ACVR1B: variants seen among roughly 807,000 people sequenced by gnomAD.
ACVR1B encodes the protein activin receptor type-1B.
Under a neutral mutation model 55.6 loss-of-function variants are expected in ACVR1B, and 15 were observed. The observed-to-expected ratio is 0.27, with a 90% confidence interval of 0.18 to 0.42. ACVR1B has a LOEUF of 0.42. ACVR1B is among the 10% of genes least tolerant of loss of function. ACVR1B has a pLI of 1.00. For synonymous variants in ACVR1B, 247 were observed against 254.6 expected, an observed-to-expected ratio of 0.97 and a Z score of 0.28; for missense variants, 359 against 670.1, an observed-to-expected ratio of 0.54 and a Z score of 5.13.
chr12:51,991,692 A>G (rs943191051), intron 7 of ACVR1B, among the ~76,000 whole-genome samples, 171 bp from the exon 8 acceptor site: 1 of 152,192 alleles, frequency 6.6e-6, no homozygotes, highest in Non-Finnish European at 1.5e-5. Flanking sequence ...ATGAGCCACC[A>G]TGCCCGGCCC....
At position 51,994,150 on chromosome 12, in the gene ACVR1B, C is replaced by T; in HGVS notation, c.*40C>T. ...CACACGGAGCTCCTGGCAGCGAGAA[C>T]TACGCACAGCTGCCGCGTTGAGCGT... On this transcript the variant is annotated 3_prime_UTR_variant, in exon 9 of 9. Coordinates refer to ENST00000257963, the MANE Select transcript of ACVR1B (RefSeq NM_004302.5). The surrounding 1 kb of genome is among the most constrained non-coding windows in gnomAD (Gnocchi z 4.2). 1 of 1,606,750 alleles carries T rather than the reference C, an allele frequency of 6.2e-7. No individual in the cohort carries two copies. Among genetic ancestry groups the T allele is most frequent in the African/African-American group, 1.3e-5 (1 of 75,014 alleles).
intron 1 of ACVR1B, chr12:51,960,234 A>G (rs779665366): frequency 1.3e-5 from 2 of 152,256 alleles, no homozygotes; most frequent in African/African-American, 2.4e-5. Flanking sequence ...AGCCTGGGCA[A>G]TATAGTGAGA....
At chr12:51,967,286 C>G (rs1034490886) in intron 1 of ACVR1B, among the ~76,000 whole-genome samples, 1 of 151,670 alleles carries the variant, frequency 6.6e-6, no homozygotes, top group Non-Finnish European at 1.5e-5. Flanking sequence ...AAAGGTGGTG[C>G]GGTGGCTCAC....
intron 3 of ACVR1B, among the ~76,000 whole-genome samples, chr12:51,977,867 TAAAAA>T (rs1565617516): frequency 2.0e-5 from 3 of 151,334 alleles, no homozygotes; most frequent in Non-Finnish European, 2.9e-5. Flanking sequence ...AGTCCATTCT[TAAAAA>T]AGAAAAAAAA....
chr12:51,957,855 AG>A (rs1941444044), intron 1 of ACVR1B, among the ~76,000 whole-genome samples: 1 of 152,346 alleles, frequency 6.6e-6, no homozygotes, highest in East Asian at 1.9e-4. Context: ...TCTTGCACTT[AG>A]GAACTCTAGA....
In ACVR1B at chr12:51,976,713, T is replaced by C. The variant is rs767998012; in HGVS notation, c.580+138T>C. ...AGTCATTTGGTTTCCTAGTTCCCCT[T>C]CTTTTGGAGTCTGACGTGTAATAAG... On this transcript the variant is annotated intron_variant, in intron 3 of 8. Coordinates refer to ENST00000257963, the MANE Select transcript of ACVR1B (RefSeq NM_004302.5). The C allele has an allele frequency of 8.9e-5, 96 of 1,074,374 alleles. 1 individual carries two copies. Among genetic ancestry groups the C allele is most frequent in the Non-Finnish European group, 9.0e-5 (67 of 747,608 alleles). The allele number at this position is 1,074,374 out of a possible 1,614,324, so 66.6% of individuals were successfully genotyped here. A position where few individuals can be genotyped will look rare whatever the true frequency, so the allele number is the denominator to read the frequency against.
intron 1 of ACVR1B, chr12:51,953,506 T>G (rs1010037190): frequency 6.6e-5 from 65 of 984,518 alleles, no homozygotes; most frequent in Non-Finnish European, 7.4e-5. Flanking sequence ...TGTGGTGAGA[T>G]AATGATTTGC....
intron 1 of ACVR1B, among the ~76,000 whole-genome samples, chr12:51,962,268 A>G (rs773524472): frequency 2.0e-5 from 3 of 152,248 alleles, no homozygotes; most frequent in South Asian, 4.1e-4. Context: ...TTATTGTTAA[A>G]TCTGTGTTTC....
At position 51,981,062 on chromosome 12, in the gene ACVR1B, G is replaced by A. The variant is rs2120661288; in HGVS notation, c.674G>A (p.Arg225His). The change falls in exon 4 of 9, where the codon CGC becomes CAC. Residue 225 changes from arginine (R) to histidine (H), a missense_variant. Around this residue, in one of 5 missense-constraint regions of ACVR1B, gnomAD observed 119 missense variants for 340.2 expected, o/e 0.35. Coordinates refer to ENST00000257963, the MANE Select transcript of ACVR1B (RefSeq NM_004302.5). The part of the protein sequence containing the change: ...KGRFGEVWRG[R>H]WRGGDVAVKI... ...CGGTTTGGGGAAGTATGGCGGGGCC[G>A]CTGGAGGGGTGGTGATGTGGCTGTG... 1 of 1,614,074 alleles carries A rather than the reference G, an allele frequency of 6.2e-7. No individual in the cohort carries two copies. Among genetic ancestry groups the A allele is most frequent in the Non-Finnish European group, 8.5e-7 (1 of 1,179,950 alleles).
intron 1 of ACVR1B, among the ~76,000 whole-genome samples, chr12:51,971,151 C>T (rs1478018485): frequency 1.3e-5 from 2 of 152,124 alleles, no homozygotes; most frequent in Non-Finnish European, 2.9e-5. Context: ...CTGTGTTAGG[C>T]GCCTCTATAA....
intron 6 of ACVR1B, among the ~76,000 whole-genome samples, chr12:51,986,051 A>G (rs1172324252): frequency 6.6e-6 from 1 of 152,148 alleles, no homozygotes; most frequent in East Asian, 1.9e-4. Context: ...CCACCTCTAG[A>G]ATTAATTTTG....
At chr12:51,974,169 C>A (rs1472454149) in intron 1 of ACVR1B, among the ~76,000 whole-genome samples, 1 of 152,118 alleles carries the variant, frequency 6.6e-6, no homozygotes, top group African/African-American at 2.4e-5. Context: ...CCACCACCTC[C>A]ACCCGCCAAT....
At chr12:51,953,386 TCTC>T in intron 1 of ACVR1B, 3 of 985,438 alleles carry the variant, frequency 3.0e-6, no homozygotes, top group African/African-American at 1.7e-5. Context: ...GGCTAATGCT[TCTC>T]CTAAGCACCT....
At chr12:51,986,502 C>T (rs1370613668) in intron 6 of ACVR1B, among the ~76,000 whole-genome samples, 2 of 152,204 alleles carry the variant, frequency 1.3e-5, no homozygotes, top group Non-Finnish European at 2.9e-5. Flanking sequence ...TCAGGTGATC[C>T]GCCCACCTTG....
At chr12:51,956,513 A>T (rs1941410727) in intron 1 of ACVR1B, among the ~76,000 whole-genome samples, 1 of 152,226 alleles carries the variant, frequency 6.6e-6, no homozygotes. Context: ...CTGTGAAGAA[A>T]ATAAAACAGG....
intron 1 of ACVR1B, among the ~76,000 whole-genome samples, chr12:51,956,826 TCTCA>T (rs1941419862): frequency 6.6e-6 from 1 of 152,112 alleles, no homozygotes. Flanking sequence ...AGTGACATGA[TCTCA>T]CTCACTGCAG....
In ACVR1B at chr12:51,975,330, A is replaced by G. The variant is rs773641366; in HGVS notation, c.157A>G (p.Met53Val). 5 of 1,614,058 alleles carry G rather than the reference A, an allele frequency of 3.1e-6. No individual in the cohort carries two copies. Among genetic ancestry groups the G allele is most frequent in the Admixed American group, 3.3e-5 (2 of 60,010 alleles). Reference sequence around the variant, plus strand: ...CACGTGTGAGACAGATGGGGCCTGCATGGTTTCCATTTTCAATCTGGATGG... The same window carrying G: ...CACGTGTGAGACAGATGGGGCCTGCGTGGTTTCCATTTTCAATCTGGATGG... The part of the protein sequence containing the change: ...NYTCETDGAC[M>V]VSIFNLDGME... Residue 53 changes from methionine (M) to valine (V), a missense_variant, in exon 2 of 9, where the codon ATG (methionine) becomes GTG (valine). This residue lies in a region of ACVR1B where 133 missense variants were observed against 188.2 expected (regional missense o/e 0.71). Coordinates refer to ENST00000257963, the MANE Select transcript of ACVR1B (RefSeq NM_004302.5).
At position 51,994,137 on chromosome 12, in the gene ACVR1B, CT is replaced by C; in HGVS notation, c.*28del. On this transcript the variant is annotated 3_prime_UTR_variant, in exon 9 of 9. Transcript: ENST00000257963. This position sits in a 1 kb window ranked among gnomAD's most constrained non-coding sequence, Gnocchi z 4.2. ...TGCTCCCTCTCTCCACACGGAGCTC[CT>C]GGCAGCGAGAACTACGCACAGCTGC... 1 of 1,610,422 alleles carries C rather than the reference CT, an allele frequency of 6.2e-7. No homozygotes were observed. Among genetic ancestry groups the C allele is most frequent in the Non-Finnish European group, 8.5e-7 (1 of 1,179,666 alleles).
intron 8 of ACVR1B, among the ~76,000 whole-genome samples, chr12:51,992,738 G>C (rs1326185796): frequency 1.3e-5 from 2 of 152,222 alleles, no homozygotes; most frequent in Non-Finnish European, 2.9e-5. Context: ...TCAGAAGGGA[G>C]GAGGTGATGT....
Sources: allele counts gnomAD v4.1 joint callset (sites outside exome capture counted in the v4.1 genomes callset), GRCh38; gene constraint gnomAD v4.1.1; regional missense constraint gnomAD v4.1.1; non-coding constraint Gnocchi (gnomAD v3.1); transcripts MANE v1.5; gene names NCBI Gene and HGNC (gene_info 2026-07-23, HGNC 2026-07-21).